The following TBPL1 variants were observed in gnomAD, a reference collection of about 807,000 sequenced individuals.
TBPL1 encodes the protein TATA box-binding protein-like 1.
Under a neutral mutation model 22.1 loss-of-function variants are expected in TBPL1, and 4 were observed. The ratio of observed to expected loss-of-function variants is 0.18; its 90% CI spans 0.09 to 0.41. TBPL1 has a LOEUF of 0.41. Ranked by LOEUF, TBPL1 falls within the 10% of genes least tolerant of loss-of-function variation. TBPL1 has a pLI of 1.00. For synonymous variants in TBPL1, 64 were observed against 71.0 expected (o/e 0.90, Z 0.50); for missense variants, 115 against 222.3 (o/e 0.52, Z 3.07).
At chr6:133,973,866 CTTAATA>C (rs1375131060) in intron 1 of TBPL1, among the ~76,000 whole-genome samples, 4 of 152,008 alleles carry the variant, frequency 2.6e-5, no homozygotes, top group Admixed American at 2.0e-4. Flanking sequence ...CAAGCTATGT[CTTAATA>C]TTAGGCCTTG....
intron 6 of TBPL1, 103 bp downstream of exon 6, chr6:133,984,774 T>C: frequency 9.8e-7 from 1 of 1,023,092 alleles, no homozygotes; most frequent in Non-Finnish European, 1.5e-6. Flanking sequence ...TTTCAGTCAC[T>C]TCTGCCCTTT....
intron 1 of TBPL1, among the ~76,000 whole-genome samples, chr6:133,972,645 G>A (rs950520203): frequency 3.3e-5 from 5 of 151,944 alleles, no homozygotes; most frequent in Non-Finnish European, 5.9e-5. Context: ...TGGCTGTAGT[G>A]TGCTGACCCT....
chr6:133,983,768 A>C (rs1043771236), intron 4 of TBPL1, among the ~76,000 whole-genome samples: 2 of 152,184 alleles, frequency 1.3e-5, no homozygotes, highest in Admixed American at 6.5e-5. Flanking sequence ...TGGAGTGGCC[A>C]AAGTTATTAA....
At chr6:133,963,773 G>A (rs999742470) in intron 1 of TBPL1, among the ~76,000 whole-genome samples, 1 of 151,452 alleles carries the variant, frequency 6.6e-6, no homozygotes, top group African/African-American at 2.4e-5. Flanking sequence ...GCTCACGCCT[G>A]TAATCCCAGC....
chr6:133,984,440 G>A lies in TBPL1; in HGVS notation c.347G>A (p.Arg116His). ...LAVCNMPFEI[R>H]LPEFTKNNRP... ...GTGTGTAACATGCCATTTGAAATCC[G>A]TTTGCCAGAATTCACAAAGAACAAT... Residue 116 changes from arginine to histidine, a missense_variant, in exon 5 of 7, where the codon CGT becomes CAT. By Grantham distance (29) the Arg-to-His change is conservative (BLOSUM62 0). Transcript: ENST00000237264. 4 of 1,613,578 alleles carry A rather than the reference G, an allele frequency of 2.5e-6. No individual in the cohort carries two copies. The highest frequency in any genetic ancestry group is 4.5e-5 in the East Asian group (2 of 44,812).
rs757062058 is a variant in TBPL1, at chr6:133,984,465, T to C, written c.372T>C (p.Asn124=). Reference sequence around the variant, plus strand: ...GTTTGCCAGAATTCACAAAGAACAATAGACCTCATGCCAGGTAAGTCTTTG... The same window carrying C: ...GTTTGCCAGAATTCACAAAGAACAACAGACCTCATGCCAGGTAAGTCTTTG... ...EIRLPEFTKN[N]RPHASYEPEL... The change falls in exon 5 of 7, where the codon AAT becomes AAC. Residue 124 remains asparagine (N), a synonymous_variant. Coordinates refer to ENST00000237264, the MANE Select transcript of TBPL1 (RefSeq NM_004865.4). 3 of 1,613,602 alleles carry C rather than the reference T, an allele frequency of 1.9e-6. No individual in the cohort carries two copies.
Position 133,964,155 on chromosome 6 carries a change from T to C in TBPL1, c.-45+10730T>C, listed in dbSNP as rs571671542. Among the ~76,000 whole-genome samples the C allele has an allele frequency of 8.0e-4, 122 of 152,288 alleles. No homozygotes were observed. The South Asian group carries it at 0.022, about 27-fold the overall frequency. ...CATTAAATTACTCACCCTACTGTTGTGGTAGTGTTCTTGACTTTCTCACAG... is the reference window on the plus strand; with the variant it reads ...CATTAAATTACTCACCCTACTGTTGCGGTAGTGTTCTTGACTTTCTCACAG... On this transcript the variant is annotated intron_variant, in intron 1 of 6. Transcript: ENST00000237264.
chr6:133,958,400 T>A (rs1399306349), intron 1 of TBPL1, among the ~76,000 whole-genome samples: 5 of 152,220 alleles, frequency 3.3e-5, no homozygotes, highest in African/African-American at 1.2e-4. Flanking sequence ...GTAGCTTTTT[T>A]TTGTAATTTT....
At chr6:133,974,743 T>G (rs1196533373) in intron 1 of TBPL1, among the ~76,000 whole-genome samples, 1 of 152,258 alleles carries the variant, frequency 6.6e-6, no homozygotes. Context: ...TGTACCAGAC[T>G]GTAAGAGAAC....
chr6:133,987,259 G>T lies in TBPL1; in HGVS notation c.*219G>T. On this transcript the variant is annotated 3_prime_UTR_variant, in exon 7 of 7. Transcript: ENST00000237264. ...CATGATATTGCTGCTTTTACAAAAG[G>T]ACATTCTATTTATTTTCGCAGTAAT... 2.8e-6 allele frequency: 1 copy of T among 354,140 alleles called. No homozygotes were observed. The highest frequency in any genetic ancestry group is 5.1e-6 in the Non-Finnish European group (1 of 196,110). 21.9% of individuals were successfully genotyped at this position (354,140 alleles called of 1,614,324 possible).
intron 2 of TBPL1, among the ~76,000 whole-genome samples, chr6:133,981,425 G>C (rs77770702): frequency 0.034 from 5,119 of 152,218 alleles, 102 homozygotes; most frequent in Admixed American, 0.06. Flanking sequence ...AGAGGAATAT[G>C]CCTAACACTG....
chr6:133,971,099 C>A (rs544094773), intron 1 of TBPL1, among the ~76,000 whole-genome samples: 15 of 152,200 alleles, frequency 9.9e-5, no homozygotes, highest in Admixed American at 2.6e-4. Context: ...TCATCCTCTT[C>A]TCCTCAGTCT....
intron 1 of TBPL1, among the ~76,000 whole-genome samples, chr6:133,971,575 A>G (rs569664650): frequency 2.0e-5 from 2 of 99,314 alleles, no homozygotes; most frequent in South Asian, 2.4e-4. Flanking sequence ...TCACCAATAC[A>G]TAGGTGTTGT....
intron 2 of TBPL1, among the ~76,000 whole-genome samples, chr6:133,980,638 A>G (rs1399746045): frequency 6.6e-6 from 1 of 151,574 alleles, no homozygotes; most frequent in Non-Finnish European, 1.5e-5. Flanking sequence ...TAATTGTCAT[A>G]TTCTTTAACA....
intron 1 of TBPL1, among the ~76,000 whole-genome samples, chr6:133,957,925 TTTG>T (rs750352583): frequency 5.3e-5 from 8 of 152,234 alleles, no homozygotes; most frequent in Non-Finnish European, 7.3e-5. Flanking sequence ...ACTTGGATGC[TTTG>T]TTTCTTTGGT....
intron 5 of TBPL1, 40 bp downstream of exon 5, chr6:133,984,519 T>C: frequency 6.2e-7 from 1 of 1,610,604 alleles, no homozygotes; most frequent in Non-Finnish European, 8.5e-7. Context: ...AATTACCAAA[T>C]TTGAAATTAC....
chr6:133,969,696 G>C (rs1028002314), intron 1 of TBPL1, among the ~76,000 whole-genome samples: 1 of 152,090 alleles, frequency 6.6e-6, no homozygotes, highest in Non-Finnish European at 1.5e-5. Context: ...CTCCTAAAAT[G>C]TCCTCATGAT....
chr6:133,952,970 G>A (rs941433530), upstream of TBPL1, among the ~76,000 whole-genome samples: 1 of 152,118 alleles, frequency 6.6e-6, no homozygotes, highest in Non-Finnish European at 1.5e-5. This position sits in a 1 kb window ranked among gnomAD's most constrained non-coding sequence, Gnocchi z 4.5. Flanking sequence ...GCCCATTAGC[G>A]CCGCCCCCAT....
chr6:133,958,079 C>T (rs971856625), intron 1 of TBPL1, among the ~76,000 whole-genome samples: 14 of 152,210 alleles, frequency 9.2e-5, no homozygotes, highest in African/African-American at 3.4e-4. Flanking sequence ...CTGGTTATCA[C>T]TGATGGCAGA....
Sources: gnomAD v4.1 joint callset for allele counts (sites outside exome capture counted in the v4.1 genomes callset) on GRCh38, gnomAD v4.1.1 for gene constraint, Gnocchi (gnomAD v3.1) non-coding constraint, MANE v1.5 for transcripts, NCBI Gene and HGNC (gene_info 2026-07-23, HGNC 2026-07-21) for gene names.